The following DPP6 variants were observed in gnomAD, a reference collection of about 807,000 sequenced individuals.
DPP6 encodes the protein A-type potassium channel modulatory protein DPP6.
A neutral mutation model predicts 122.6 loss-of-function variants in DPP6; 69 were observed. The ratio of observed to expected loss-of-function variants is 0.56; its 90% confidence interval spans 0.46 to 0.69. The LOEUF (loss-of-function observed/expected upper bound fraction) is 0.69. Among genes scored for constraint, DPP6 ranks in the 30% least tolerant of loss-of-function variants. The pLI, the probability that DPP6 is intolerant of heterozygous loss-of-function variation, is 0.00. For missense variants in DPP6, 928 were observed against 1,116.9 expected, an observed-to-expected ratio of 0.83 and a Z score of 2.41; for synonymous variants, 418 against 433.1, an observed-to-expected ratio of 0.97 and a Z score of 0.43.
intron 1 of DPP6, among the ~76,000 whole-genome samples, chr7:153,903,812 G>A (rs1799737359): frequency 6.6e-6 from 1 of 152,128 alleles, no homozygotes; most frequent in Non-Finnish European, 1.5e-5. Context: ...ATTAAGGGTT[G>A]TGTTGCTATT....
chr7:154,644,612 T>G (rs1256418378), intron 6 of DPP6, among the ~76,000 whole-genome samples: 1 of 152,162 alleles, frequency 6.6e-6, no homozygotes, highest in African/African-American at 2.4e-5. Context: ...GCAAGCTACC[T>G]TCACAGCTGC....
the DPP6 span, among the ~76,000 whole-genome samples, chr7:153,805,941 T>C: frequency 0.012 from 1,836 of 151,892 alleles, 66 homozygotes; most frequent in African/African-American, 0.042. Context: ...ACATGGCACA[T>C]GTATGCATAT....
At chr7:154,145,372 A>G (rs912314533) in intron 1 of DPP6, among the ~76,000 whole-genome samples, 2 of 152,122 alleles carry the variant, frequency 1.3e-5, no homozygotes, top group Non-Finnish European at 2.9e-5. Flanking sequence ...TCCTACCACC[A>G]CAGGGCCCTG....
chr7:154,174,998 C>T (rs61146810), intron 1 of DPP6, among the ~76,000 whole-genome samples: 69,526 of 151,540 alleles, frequency 0.46, 17,306 homozygotes, highest in East Asian at 0.59. Flanking sequence ...CTCAGCCTCC[C>T]GAGTAGCTGG....
intron 7 of DPP6, among the ~76,000 whole-genome samples, chr7:154,697,672 G>A (rs1840295580): frequency 6.6e-6 from 1 of 152,200 alleles, no homozygotes; most frequent in Admixed American, 6.5e-5. Flanking sequence ...ATAAAGACTG[G>A]TTTTCAGACA....
chr7:154,695,059 C>A (rs929385237), intron 7 of DPP6, among the ~76,000 whole-genome samples: 22 of 152,168 alleles, frequency 1.4e-4, no homozygotes, highest in African/African-American at 4.1e-4. Context: ...TTAAAATAGA[C>A]CCCGTGGGTG....
intron 3 of DPP6, among the ~76,000 whole-genome samples, chr7:154,537,060 A>T (rs2130197380): frequency 6.6e-6 from 1 of 152,304 alleles, no homozygotes; most frequent in Non-Finnish European, 1.5e-5. Context: ...ACAAAGGGTA[A>T]ACATTTTTAC....
intron 5 of DPP6, among the ~76,000 whole-genome samples, chr7:154,617,165 C>G (rs1268060713): frequency 6.6e-6 from 1 of 152,130 alleles, no homozygotes; most frequent in East Asian, 1.9e-4. Flanking sequence ...TACAGAGGGC[C>G]CTGCACTTTG....
At chr7:154,789,166 C>T (rs1006125785) in intron 10 of DPP6, among the ~76,000 whole-genome samples, 1 of 152,214 alleles carries the variant, frequency 6.6e-6, no homozygotes, top group Non-Finnish European at 1.5e-5. Context: ...CTACTGAGCT[C>T]TTCTCCGGTG....
intron 8 of DPP6, among the ~76,000 whole-genome samples, chr7:154,750,279 C>A (rs1327094277): frequency 6.6e-6 from 1 of 152,176 alleles, no homozygotes; most frequent in Non-Finnish European, 1.5e-5. Context: ...AAGCGGGAGT[C>A]GCAGCCTATT....
intron 8 of DPP6, among the ~76,000 whole-genome samples, chr7:154,741,526 T>A (rs189402893): frequency 3.3e-5 from 5 of 152,356 alleles, no homozygotes; most frequent in African/African-American, 1.2e-4. Context: ...TTCTTCTTTT[T>A]GCAGGAATAA....
chr7:154,248,640 T>C (rs920357046), intron 1 of DPP6, among the ~76,000 whole-genome samples: 3 of 152,162 alleles, frequency 2.0e-5, no homozygotes, highest in Non-Finnish European at 2.9e-5. Flanking sequence ...CCGAGGCAGG[T>C]GGATCACTTG....
the DPP6 span, among the ~76,000 whole-genome samples, chr7:153,856,147 C>T: frequency 6.6e-6 from 1 of 152,226 alleles, no homozygotes; most frequent in Admixed American, 6.5e-5. Context: ...ACTGAAGGTA[C>T]CTCACCCTGT....
chr7:153,861,514 G>A, the DPP6 span, among the ~76,000 whole-genome samples: 3 of 152,182 alleles, frequency 2.0e-5, no homozygotes, highest in African/African-American at 7.2e-5. Context: ...AAATAGGAGT[G>A]GGAGAACAAA....
intron 1 of DPP6, among the ~76,000 whole-genome samples, chr7:154,152,486 C>T (rs1382168779): frequency 4.6e-5 from 7 of 152,076 alleles, no homozygotes; most frequent in Admixed American, 6.5e-5. Context: ...GTTTTATGCC[C>T]GCTGCAATGC....
intron 1 of DPP6, among the ~76,000 whole-genome samples, chr7:153,973,088 ATAAT>A (rs1359150913): frequency 2.6e-4 from 39 of 152,216 alleles, no homozygotes; most frequent in African/African-American, 9.2e-4. Context: ...ACTTTAATAA[ATAAT>A]TGAAAACATA....
intron 1 of DPP6, among the ~76,000 whole-genome samples, chr7:154,146,862 C>T (rs1279773618): frequency 7.2e-5 from 11 of 151,992 alleles, no homozygotes; most frequent in Admixed American, 3.9e-4. Context: ...CCTCCCTGCT[C>T]CCGTGGGTGC....
At chr7:154,801,578 GT>G in intron 13 of DPP6, 116 bp downstream of exon 13, 1 of 1,405,490 alleles carries the variant, frequency 7.1e-7, no homozygotes, top group Non-Finnish European at 9.4e-7. Flanking sequence ...GAATCTGAAG[GT>G]GGTTCCCGAA....
chr7:154,875,907 G>A lies in DPP6; in HGVS notation c.1885G>A (p.Asp629Asn). Residue 629 changes from aspartate to asparagine, a missense_variant and splice_region_variant, in exon 20 of 26, where the codon GAT becomes AAT. Coordinates refer to ENST00000377770, the MANE Select transcript of DPP6 (RefSeq NM_130797.4). This position sits in a 1 kb window ranked among gnomAD's most constrained non-coding sequence, Gnocchi z 4.5. ...TTHYPLLLVV[D>N]GTPGSQSVAE... ...CTGAGCCCGGGATTCTCTTTCCAGG[G>A]ATGGCACCCCAGGCAGCCAGAGTGT... The A allele has an allele frequency of 5.6e-6, 9 of 1,608,140 alleles. No individual in the cohort carries two copies. Among genetic ancestry groups the A allele is most frequent in the Non-Finnish European group, 6.8e-6 (8 of 1,177,442 alleles).
Sources: allele counts gnomAD v4.1 joint callset (sites outside exome capture counted in the v4.1 genomes callset), GRCh38; gene constraint gnomAD v4.1.1; non-coding constraint Gnocchi (gnomAD v3.1); transcripts MANE v1.5; gene names NCBI Gene and HGNC (gene_info 2026-07-23, HGNC 2026-07-21).